Variants in CHFR observed in about 807,000 individuals in gnomAD.
The protein encoded by CHFR is E3 ubiquitin-protein ligase CHFR.
In CHFR, 57 loss-of-function variants were observed where a neutral mutation model predicts 87.6. That is an observed-to-expected ratio of 0.65 (90% CI 0.53 to 0.81). The LOEUF (loss-of-function observed/expected upper bound fraction) is 0.81. Ranked by LOEUF, CHFR falls within the 30% of genes least tolerant of loss-of-function variation. CHFR has a pLI of 0.00. For synonymous variants in CHFR, 381 were observed against 359.2 expected (o/e 1.06, Z -0.69); for missense variants, 797 against 865.8 (o/e 0.92, Z 1.00).
chr12:132,847,684 G>A lies in CHFR; in HGVS notation c.1647+401C>T, dbSNP rs369914434. The A allele has an allele frequency of 7.6e-5, 84 of 1,099,764 alleles. No individual in the cohort carries two copies. The East Asian group carries it at 4.6e-3, about 60-fold the overall frequency. The allele number at this position is 1,099,764 out of a possible 1,614,324, so 68.1% of individuals were successfully genotyped here. A position where few individuals can be genotyped will look rare whatever the true frequency, so the allele number is the denominator to read the frequency against. ...TAAACATATGTAAATCCTAGAAACCGAGGTAGCTTCCTAGACGTGGGAAGG... is the reference window on the plus strand; with the variant it reads ...TAAACATATGTAAATCCTAGAAACCAAGGTAGCTTCCTAGACGTGGGAAGG... On this transcript the variant is annotated intron_variant, in intron 14 of 17. Coordinates refer to ENST00000450056, the MANE Select transcript of CHFR (RefSeq NM_001161346.2).
At chr12:132,864,843 A>C (rs1951297989) in intron 6 of CHFR, among the ~76,000 whole-genome samples, 1 of 152,222 alleles carries the variant, frequency 6.6e-6, no homozygotes, top group Non-Finnish European at 1.5e-5. Context: ...GCCCTTTTTA[A>C]GTAGAACATT....
At position 132,851,753 on chromosome 12, in the gene CHFR, A is replaced by G; in HGVS notation, c.1373-16T>C. On this transcript the variant is annotated splice_polypyrimidine_tract_variant and intron_variant, in intron 11 of 17. Coordinates refer to ENST00000450056, the MANE Select transcript of CHFR (RefSeq NM_001161346.2). ...TCCTGGACTGCTGAAGCACACGCAC[A>G]TTCAGCCGGAGCACGTGGGACCCAG... is the stretch of plus-strand genomic sequence containing the variant. 5.6e-6 allele frequency: 9 copies of G among 1,604,804 alleles called. No homozygotes were observed. The highest frequency in any genetic ancestry group is 7.7e-6 in the Non-Finnish European group (9 of 1,173,578).
rs565960630 is a variant in CHFR at position 132,884,142 on chromosome 12, G to A, written c.133+3054C>T. Among the ~76,000 whole-genome samples, 6 of 151,562 alleles carry A rather than the reference G, an allele frequency of 4.0e-5. No individual in the cohort carries two copies. In the East Asian group the frequency reaches 1.2e-3, roughly 30 times the overall value. ...CTCAAAAAATAAATATATCAGGCCGGGCACAGTGGCTCACGCCTGTAATCC... is the reference window on the plus strand; with the variant it reads ...CTCAAAAAATAAATATATCAGGCCGAGCACAGTGGCTCACGCCTGTAATCC... On this transcript the variant is annotated intron_variant, in intron 2 of 17. Coordinates refer to ENST00000450056, the MANE Select transcript of CHFR (RefSeq NM_001161346.2).
Position 132,836,888 on chromosome 12 carries a change from A to G in CHFR, c.*4666T>C, listed in dbSNP as rs1950651786. The G allele has an allele frequency of 2.5e-6, 1 of 397,448 alleles. No homozygotes were observed. Among genetic ancestry groups the G allele is most frequent in the Admixed American group, 3.0e-5 (1 of 33,582 alleles). 24.6% of individuals were successfully genotyped at this position (397,448 alleles called of 1,614,324 possible). ...GGGGCCAAACATTTCAGACAAATAA[A>G]CAACAGTGGGCAGACAGGCAAGATC... On this transcript the variant is annotated 3_prime_UTR_variant, in exon 18 of 18. Coordinates refer to ENST00000450056, the MANE Select transcript of CHFR (RefSeq NM_001161346.2).
In CHFR at chr12:132,835,460, G is replaced by C. The variant is rs1235870907; in HGVS notation, c.*6094C>G. The C allele has an allele frequency of 6.5e-6, 1 of 154,250 alleles. No homozygotes were observed. The highest frequency in any genetic ancestry group is 1.4e-5 in the Non-Finnish European group (1 of 69,414). 9.6% of individuals were successfully genotyped at this position (154,250 alleles called of 1,614,324 possible). A position where few individuals can be genotyped will look rare whatever the true frequency, so the allele number is the denominator to read the frequency against. On this transcript the variant is annotated 3_prime_UTR_variant, in exon 18 of 18. Coordinates refer to ENST00000450056, the MANE Select transcript of CHFR (RefSeq NM_001161346.2). The stretch of plus-strand genomic sequence containing the variant: ...CTCTATATCGTTCCAGTTTTAGTAG[G>C]TGTGGTCTTTAAAGAGGTGATTAAG...
rs1950653543 is a variant in CHFR, at chr12:132,837,073, G to A, written c.*4481C>T. 6.1e-6 allele frequency: 2 copies of A among 328,994 alleles called. No individual in the cohort carries two copies. The highest frequency in any genetic ancestry group is 4.7e-5 in the South Asian group (2 of 42,184). The allele number at this position is 328,994 out of a possible 1,614,324, so 20.4% of individuals were successfully genotyped here. A position where few individuals can be genotyped will look rare whatever the true frequency, so the allele number is the denominator to read the frequency against. On this transcript the variant is annotated 3_prime_UTR_variant, in exon 18 of 18. Transcript: ENST00000450056. Reference sequence around the variant, plus strand: ...TGCAGAGGGAGGGGCTGGTACCTGAGGGGCTGTTTGTGAGAATTAGCTGGT... The same window carrying A: ...TGCAGAGGGAGGGGCTGGTACCTGAAGGGCTGTTTGTGAGAATTAGCTGGT...
At chr12:132,861,903 C>G in intron 6 of CHFR, 1 of 435,720 alleles carries the variant, frequency 2.3e-6, no homozygotes, top group Non-Finnish European at 4.3e-6. Context: ...GCTTAGCCCT[C>G]GAGCACCGAG....
chr12:132,835,163 G>A lies in CHFR; in HGVS notation c.*6391C>T, dbSNP rs1000037919. Reference sequence around the variant, plus strand: ...CAAGGCAACATCATCACAGGCTCAAGTGATCGGATACGGGTATCTGTGGTG... The same window carrying A: ...CAAGGCAACATCATCACAGGCTCAAATGATCGGATACGGGTATCTGTGGTG... On this transcript the variant is annotated 3_prime_UTR_variant, in exon 18 of 18. Coordinates refer to ENST00000450056, the MANE Select transcript of CHFR (RefSeq NM_001161346.2). 6 of 152,238 alleles carry A rather than the reference G, an allele frequency of 3.9e-5. No individual in the cohort carries two copies. The highest frequency in any genetic ancestry group is 1.4e-4 in the African/African-American group (6 of 41,444). 9.4% of individuals were successfully genotyped at this position (152,238 alleles called of 1,614,324 possible). A position where few individuals can be genotyped will look rare whatever the true frequency, so the allele number is the denominator to read the frequency against.
chr12:132,847,863 C>G (rs777795345), intron 14 of CHFR: 19 of 1,393,676 alleles, frequency 1.4e-5, no homozygotes, highest in Non-Finnish European at 1.8e-5. Context: ...GCAGGAGGCA[C>G]AAAAACGAAA....
intron 3 of CHFR, among the ~76,000 whole-genome samples, chr12:132,875,297 A>T (rs1042683629): frequency 6.6e-6 from 1 of 152,316 alleles, no homozygotes; most frequent in Admixed American, 6.5e-5. Flanking sequence ...AGAACAGCAC[A>T]CTCTCAACAT....
chr12:132,859,596 C>T (rs769506110), intron 7 of CHFR, among the ~76,000 whole-genome samples: 3 of 152,276 alleles, frequency 2.0e-5, no homozygotes, highest in South Asian at 2.1e-4. Flanking sequence ...GTGATCCACC[C>T]GCCTCGGCCT....
At chr12:132,875,098 G>C (rs115769697) in intron 3 of CHFR, among the ~76,000 whole-genome samples, 4 of 152,382 alleles carry the variant, frequency 2.6e-5, no homozygotes, top group African/African-American at 9.6e-5. Context: ...GGACAGCTAG[G>C]GACCAGCACC....
At position 132,843,012 on chromosome 12, in the gene CHFR, T is replaced by C. The variant is rs752894210; in HGVS notation, c.1915A>G (p.Met639Val). The C allele has an allele frequency of 6.2e-7, 1 of 1,611,466 alleles. No individual in the cohort carries two copies. The highest frequency in any genetic ancestry group is 1.7e-5 in the Admixed American group (1 of 59,640). ...CRTQVKAHHA[M>V]KFNHICEQTR... ...GCCTGTGCCCCCAGCTGCACTCACA[T>C]GGCGTGGTGAGCTTTCACCTGAGTG... Residue 639 changes from methionine (M) to valine (V), a missense_variant and splice_region_variant, in exon 17 of 18, where the codon ATG (methionine) becomes GTG (valine). Met to Val is a conservative substitution (Grantham distance 21). Coordinates refer to ENST00000450056, the MANE Select transcript of CHFR (RefSeq NM_001161346.2).
At chr12:132,845,192 G>C (rs1026328965) in intron 15 of CHFR, among the ~76,000 whole-genome samples, 2 of 151,750 alleles carry the variant, frequency 1.3e-5, no homozygotes, top group Non-Finnish European at 2.9e-5. Flanking sequence ...ACGGTGGCTC[G>C]CGCCTGTAAT....
intron 6 of CHFR, among the ~76,000 whole-genome samples, chr12:132,862,898 TTTTC>T (rs1951248399): frequency 7.0e-6 from 1 of 143,612 alleles, no homozygotes; most frequent in Non-Finnish European, 1.5e-5. Context: ...ATTTCTTTTG[TTTTC>T]TTTTTCTTTT....
At chr12:132,877,380 C>T (rs1038030431) in intron 3 of CHFR, among the ~76,000 whole-genome samples, 175 bp downstream of exon 3, 8 of 152,222 alleles carry the variant, frequency 5.3e-5, no homozygotes. Flanking sequence ...ATTTCTCAGA[C>T]TGGATCCCTG....
intron 2 of CHFR, among the ~76,000 whole-genome samples, chr12:132,885,506 G>A (rs1951869245): frequency 6.6e-6 from 1 of 152,168 alleles, no homozygotes; most frequent in African/African-American, 2.4e-5. Context: ...ATGGTAGTAT[G>A]AACAAACTAA....
At chr12:132,843,182 G>T in intron 16 of CHFR, 99 bp from the exon 17 acceptor site, 1 of 1,018,810 alleles carries the variant, frequency 9.8e-7, no homozygotes, top group Non-Finnish European at 1.5e-6. Flanking sequence ...CGCTGCGGTG[G>T]AAACGCACGG....
intron 2 of CHFR, among the ~76,000 whole-genome samples, chr12:132,881,039 G>A (rs1951756645): frequency 6.6e-6 from 1 of 152,114 alleles, no homozygotes; most frequent in South Asian, 2.1e-4. Flanking sequence ...GGCCAAGGCG[G>A]GCGGATCACT....
Sources: gnomAD v4.1 joint callset for allele counts (sites outside exome capture counted in the v4.1 genomes callset) on GRCh38, gnomAD v4.1.1 for gene constraint, MANE v1.5 for transcripts, NCBI Gene and HGNC (gene_info 2026-07-23, HGNC 2026-07-21) for gene names.